The following SBNO2 variants were observed in gnomAD, a reference collection of about 807,000 sequenced individuals.
SBNO2 encodes the protein protein strawberry notch homolog 2.
In SBNO2, 89 loss-of-function variants were observed where a neutral mutation model predicts 146.3. That is an observed-to-expected ratio of 0.61 (90% CI 0.51 to 0.73). SBNO2 has a LOEUF of 0.73. Ranked by LOEUF, SBNO2 falls within the 30% of genes least tolerant of loss-of-function variation. The pLI, the probability that SBNO2 is intolerant of heterozygous loss-of-function variation, is 0.00. For missense variants in SBNO2, 2,092 were observed against 2,003.7 expected (o/e 1.04, Z -0.84); for synonymous variants, 1,147 against 892.6 (o/e 1.29, Z -5.08).
chr19:1,130,117 G>A (rs764096203), intron 4 of SBNO2, among the ~76,000 whole-genome samples: 4 of 152,188 alleles, frequency 2.6e-5, no homozygotes, highest in Admixed American at 1.3e-4. Context: ...CTGAGGAGAC[G>A]CCTAAACACC....
chr19:1,172,060 AG>A (rs896243372), intron 1 of SBNO2, among the ~76,000 whole-genome samples: 12 of 152,102 alleles, frequency 7.9e-5, no homozygotes, highest in Non-Finnish European at 1.8e-4. Context: ...CTGCCTGCAC[AG>A]CCCCCTCCAC....
At position 1,136,377 on chromosome 19, in the gene SBNO2, C is replaced by T. The variant is rs2080084693; in HGVS notation, c.280-8612G>A. Reference sequence around the variant, plus strand: ...AGGTGCCTGGTATGGGCCCTGGGGCCGCCGCCTCAGTGTCTTCTGGTGCTG... The same window carrying T: ...AGGTGCCTGGTATGGGCCCTGGGGCTGCCGCCTCAGTGTCTTCTGGTGCTG... On this transcript the variant is annotated intron_variant, in intron 4 of 31. Coordinates refer to ENST00000361757, the MANE Select transcript of SBNO2 (RefSeq NM_014963.3). The surrounding 1 kb of genome is among the most constrained non-coding windows in gnomAD (Gnocchi z 4.2). Among the ~76,000 whole-genome samples, 1 of 152,220 alleles carries T rather than the reference C, an allele frequency of 6.6e-6. No individual in the cohort carries two copies. Among genetic ancestry groups the T allele is most frequent in the Admixed American group, 6.5e-5 (1 of 15,286 alleles).
At position 1,147,428 on chromosome 19, in the gene SBNO2, G is replaced by GGTGGCCACGGGGGCAT; in HGVS notation, c.168-9_168-8insATGCCCCCGTGGCCAC. The GGTGGCCACGGGGGCAT allele has an allele frequency of 9.3e-7, 1 of 1,071,536 alleles. No homozygotes were observed. The highest frequency in any genetic ancestry group is 1.3e-6 in the Non-Finnish European group (1 of 780,228). The allele number at this position is 1,071,536 out of a possible 1,614,324, so 66.4% of individuals were successfully genotyped here. On this transcript the variant is annotated splice_polypyrimidine_tract_variant and intron_variant, in intron 3 of 31. Transcript: ENST00000361757. ...GCGGAGCTCATGAACGGGCTGGAGGGAGATGGGGGGGGGGGAGGTGAGATG... is the reference window on the plus strand; with the variant it reads ...GCGGAGCTCATGAACGGGCTGGAGGGGTGGCCACGGGGGCATAGATGGGGGGGGGGGAGGTGAGATG...
At chr19:1,129,599 C>A (rs759380328) in intron 4 of SBNO2, among the ~76,000 whole-genome samples, 1 of 152,132 alleles carries the variant, frequency 6.6e-6, no homozygotes, top group African/African-American at 2.4e-5. Context: ...CTGAGGCCCA[C>A]GAGGGCCCTC....
In SBNO2 at chr19:1,158,423, C is replaced by A. The variant is rs2080312769; in HGVS notation, c.-126-4021G>T. Among the ~76,000 whole-genome samples the A allele has an allele frequency of 6.6e-6, 1 of 152,204 alleles. No individual in the cohort carries two copies. On this transcript the variant is annotated intron_variant, in intron 1 of 31. Coordinates refer to ENST00000361757, the MANE Select transcript of SBNO2 (RefSeq NM_014963.3). The surrounding 1 kb of genome is among the most constrained non-coding windows in gnomAD (Gnocchi z 9.9). ...GCCAGACTCAGCAGCTCAGGCCACG[C>A]TGTGCCCACGTTCGCGACGGCAAAG...
At position 1,164,173 on chromosome 19, in the gene SBNO2, G is replaced by A. The variant is rs1392625196; in HGVS notation, c.-126-9771C>T. On this transcript the variant is annotated intron_variant, in intron 1 of 31. Coordinates refer to ENST00000361757, the MANE Select transcript of SBNO2 (RefSeq NM_014963.3). ...AGGGAAGCCCCTGCCCATGGCTTCC[G>A]GGGCCTTCCGGAGGGGCCAAGGGGC... Among the ~76,000 whole-genome samples the A allele has an allele frequency of 4.7e-5, 7 of 147,998 alleles. No individual in the cohort carries two copies. The South Asian group carries it at 1.3e-3, about 28-fold the overall frequency.
rs772500510 is a variant in SBNO2, at chr19:1,111,001, T to C, written c.2884+18A>G. The C allele has an allele frequency of 3.1e-6, 5 of 1,599,360 alleles. No homozygotes were observed. Among genetic ancestry groups the C allele is most frequent in the Non-Finnish European group, 8.5e-7 (1 of 1,173,486 alleles). Reference sequence around the variant, plus strand: ...TGAGAGACAGGAGCGCCTCTGGGCCTGGGTGTGGGGCACTCACCCTTCTCC... The same window carrying C: ...TGAGAGACAGGAGCGCCTCTGGGCCCGGGTGTGGGGCACTCACCCTTCTCC... On this transcript the variant is annotated intron_variant, in intron 25 of 31. Coordinates refer to ENST00000361757, the MANE Select transcript of SBNO2 (RefSeq NM_014963.3).
chr19:1,123,491 G>A, intron 7 of SBNO2, 43 bp downstream of exon 7: 2 of 1,554,104 alleles, frequency 1.3e-6, no homozygotes, highest in Non-Finnish European at 1.8e-6. Context: ...CCCACAAAAG[G>A]GTTTGAACCT....
intron 13 of SBNO2, 64 bp from the exon 14 acceptor site, chr19:1,119,228 G>T: frequency 1.3e-6 from 2 of 1,524,164 alleles, no homozygotes; most frequent in Non-Finnish European, 8.8e-7. Context: ...CACTCGGAGC[G>T]CGAGGCAGAG....
chr19:1,125,823 A>G (rs1011058072), intron 5 of SBNO2, among the ~76,000 whole-genome samples: 67 of 152,020 alleles, frequency 4.4e-4, no homozygotes, highest in Admixed American at 4.4e-3. Context: ...ATAAAATCCT[A>G]TCTCTACAAA....
Position 1,144,015 on chromosome 19 carries a change from C to G in SBNO2, c.279+3294G>C, listed in dbSNP as rs950499273. ...GAGTCGGGAGCAGAGGCTTCCGTGG[C>G]TGGCTGGGCTGCGCTGGGGGGCACG... is the stretch of plus-strand genomic sequence containing the variant. On this transcript the variant is annotated intron_variant, in intron 4 of 31. Transcript: ENST00000361757. The surrounding 1 kb of genome is among the most constrained non-coding windows in gnomAD (Gnocchi z 4.1). 3.9e-5 allele frequency among the ~76,000 whole-genome samples: 6 copies of G among 152,234 alleles called. No homozygotes were observed. Among genetic ancestry groups the G allele is most frequent in the African/African-American group, 1.4e-4 (6 of 41,460 alleles).
intron 5 of SBNO2, among the ~76,000 whole-genome samples, chr19:1,125,819 T>C (rs2079959186): frequency 1.3e-5 from 2 of 151,764 alleles, no homozygotes; most frequent in South Asian, 4.2e-4. Flanking sequence ...CATGATAAAA[T>C]CCTATCTCTA....
chr19:1,165,482 T>C (rs536474482), intron 1 of SBNO2, among the ~76,000 whole-genome samples: 62 of 152,212 alleles, frequency 4.1e-4, no homozygotes, highest in African/African-American at 1.3e-3. Flanking sequence ...TGGTGGTTGC[T>C]GGCACTCAGT....
At chr19:1,146,076 G>C (rs754633125) in intron 4 of SBNO2, among the ~76,000 whole-genome samples, 5 of 152,104 alleles carry the variant, frequency 3.3e-5, no homozygotes, top group Non-Finnish European at 7.4e-5. Flanking sequence ...CCCCAGCCCC[G>C]GCCTCCAGCG....
At position 1,110,264 on chromosome 19, in the gene SBNO2, GAT is replaced by G. The variant is rs1386139169; in HGVS notation, c.3028+479_3028+480del. Among the ~76,000 whole-genome samples the G allele has an allele frequency of 1.3e-5, 2 of 152,178 alleles. No individual in the cohort carries two copies. The highest frequency in any genetic ancestry group is 6.5e-5 in the Admixed American group (1 of 15,278). On this transcript the variant is annotated intron_variant, in intron 26 of 31. Transcript: ENST00000361757. This position sits in a 1 kb window ranked among gnomAD's most constrained non-coding sequence, Gnocchi z 4.9. ...CATCTGGACACAGGGAAGTGGTCCT[GAT>G]GGACAGGCCTGGCCCCATGAGGCTG...
chr19:1,172,782 C>CA (rs1568659725), intron 1 of SBNO2, among the ~76,000 whole-genome samples: 3 of 84,506 alleles, frequency 3.6e-5, no homozygotes, highest in South Asian at 5.9e-4. Context: ...GCAACCGCCC[C>CA]CCCCGCCCCG....
chr19:1,130,359 CA>C (rs1412858421), intron 4 of SBNO2, among the ~76,000 whole-genome samples: 1 of 152,098 alleles, frequency 6.6e-6, no homozygotes, highest in African/African-American at 2.4e-5. Flanking sequence ...TCAAGTCGGG[CA>C]GGGGGGAGCT....
In SBNO2 at chr19:1,108,397, G is replaced by C; in HGVS notation, c.3924C>G (p.Cys1308Trp). The C allele has an allele frequency of 7.8e-7, 1 of 1,282,274 alleles. No individual in the cohort carries two copies. 79.4% of individuals were successfully genotyped at this position (1,282,274 alleles called of 1,614,324 possible). A position where few individuals can be genotyped will look rare whatever the true frequency, so the allele number is the denominator to read the frequency against. Residue 1308 changes from cysteine to tryptophan, a missense_variant, in exon 32 of 32, where the codon TGC becomes TGG. Transcript: ENST00000361757. ...ADPAALAHQG[C>W]DINFKEVLED... Reference sequence around the variant, plus strand: ...CCAGCACCTCCTTGAAGTTGATGTCGCAGCCCTGGTGCGCGAGGGCCGCAG... The same window carrying C: ...CCAGCACCTCCTTGAAGTTGATGTCCCAGCCCTGGTGCGCGAGGGCCGCAG...
chr19:1,168,705 A>T (rs2080449282), intron 1 of SBNO2: 1 of 152,278 alleles, frequency 6.6e-6, no homozygotes, highest in Non-Finnish European at 1.5e-5. Context: ...TGACATGCAA[A>T]GGAAGACGCC....
Sources: allele counts gnomAD v4.1 joint callset (sites outside exome capture counted in the v4.1 genomes callset), GRCh38; gene constraint gnomAD v4.1.1; non-coding constraint Gnocchi (gnomAD v3.1); transcripts MANE v1.5; gene names NCBI Gene and HGNC (gene_info 2026-07-23, HGNC 2026-07-21).